NUP210L: variants seen among roughly 807,000 people sequenced by gnomAD.
The protein encoded by NUP210L is nuclear pore membrane glycoprotein 210-like.
In NUP210L, 74 loss-of-function variants were observed where a neutral mutation model predicts 208.5. The ratio of observed to expected loss-of-function variants is 0.35; its 90% CI spans 0.29 to 0.43. The LOEUF (loss-of-function observed/expected upper bound fraction) is 0.43. Ranked by LOEUF, NUP210L falls within the 20% of genes least tolerant of loss-of-function variation. The pLI is 1.00. For missense variants in NUP210L, 1,843 were observed against 2,289.4 expected, an observed-to-expected ratio of 0.81 and a Z score of 3.98; for synonymous variants, 780 against 816.9, an observed-to-expected ratio of 0.95 and a Z score of 0.77.
intron 33 of NUP210L, among the ~76,000 whole-genome samples, chr1:154,014,582 T>C (rs1398258714): frequency 6.6e-6 from 1 of 152,250 alleles, no homozygotes; most frequent in African/African-American, 2.4e-5. Context: ...AAGCACAACA[T>C]GTACTTTTAT....
intron 27 of NUP210L, among the ~76,000 whole-genome samples, chr1:154,035,992 C>T (rs1420165157): frequency 3.9e-5 from 6 of 151,928 alleles, no homozygotes; most frequent in Non-Finnish European, 8.8e-5. Flanking sequence ...CTCGGCCTCC[C>T]AAAGTGCTGG....
At chr1:154,081,250 T>C (rs1051508704) in intron 16 of NUP210L, among the ~76,000 whole-genome samples, 1 of 151,236 alleles carries the variant, frequency 6.6e-6, no homozygotes, top group Non-Finnish European at 1.5e-5. Context: ...AAAAGATGTA[T>C]CATGCAAACA....
Position 154,095,161 on chromosome 1 carries a change from T to A in NUP210L, c.1966-5A>T, listed in dbSNP as rs776584042. On this transcript the variant is annotated splice_polypyrimidine_tract_variant and splice_region_variant and intron_variant, in intron 14 of 39. Coordinates refer to ENST00000368559, the Ensembl canonical transcript of NUP210L. ...CACTTCCACAGGATTTAAAGCCTGA[T>A]GATATTTAAAGAAATTAATTCCTGA... The A allele has an allele frequency of 6.2e-7, 1 of 1,604,712 alleles. No individual in the cohort carries two copies. The highest frequency in any genetic ancestry group is 8.5e-7 in the Non-Finnish European group (1 of 1,171,690).
At chr1:154,140,487 C>A (rs373930029) in intron 4 of NUP210L, among the ~76,000 whole-genome samples, 4 of 149,712 alleles carry the variant, frequency 2.7e-5, no homozygotes, top group African/African-American at 9.9e-5. Context: ...GCCAATATGG[C>A]GAAACCCCAT....
chr1:154,019,204 T>C (rs911846058), intron 32 of NUP210L, 135 bp from the exon 33 acceptor site: 1 of 799,216 alleles, frequency 1.3e-6, no homozygotes, highest in Admixed American at 2.9e-5. Context: ...GCTTTGAAGA[T>C]AACTGTTTTC....
intron 16 of NUP210L, among the ~76,000 whole-genome samples, chr1:154,081,938 C>A (rs1385357482): frequency 1.3e-5 from 2 of 152,048 alleles, no homozygotes; most frequent in Non-Finnish European, 2.9e-5. Context: ...GCCATAATCA[C>A]GCCATTGCAC....
chr1:154,031,811 A>G (rs369473453), intron 27 of NUP210L, among the ~76,000 whole-genome samples: 1 of 150,158 alleles, frequency 6.7e-6, no homozygotes, highest in East Asian at 2.0e-4. Flanking sequence ...CACCTCAGTC[A>G]CCAGGGCTCA....
intron 17 of NUP210L, among the ~76,000 whole-genome samples, chr1:154,068,929 A>C (rs1477240522): frequency 1.3e-5 from 2 of 152,154 alleles, no homozygotes; most frequent in African/African-American, 4.8e-5. Flanking sequence ...TACATATGTA[A>C]CTAACCTGCA....
Position 154,117,794 on chromosome 1 carries a change from A to AC in NUP210L, c.1550dup (p.Gln518SerfsTer6). ...AAACAGTACTATTCCCCCTGACCTG[A>AC]CCTGCAGTCACCACTCCTTTCGTGG... On this transcript the variant is annotated frameshift_variant, in exon 12 of 40. Transcript: ENST00000368559. LOFTEE classifies it high-confidence loss of function. The AC allele has an allele frequency of 6.2e-7, 1 of 1,612,980 alleles. No homozygotes were observed. The highest frequency in any genetic ancestry group is 8.5e-7 in the Non-Finnish European group (1 of 1,179,098).
At chr1:154,127,695 T>C (rs537957262) in intron 8 of NUP210L, among the ~76,000 whole-genome samples, 15 of 151,714 alleles carry the variant, frequency 9.9e-5, no homozygotes, top group African/African-American at 3.1e-4. Flanking sequence ...GGATTATCGG[T>C]GTGCGTTACC....
chr1:154,153,033 G>A (rs1329915156), intron 1 of NUP210L, among the ~76,000 whole-genome samples, 161 bp from the exon 2 acceptor site: 1 of 152,188 alleles, frequency 6.6e-6, no homozygotes, highest in African/African-American at 2.4e-5. Flanking sequence ...TAATTAAACT[G>A]AGAGATTGAT....
At chr1:154,006,533 G>A (rs927663348) in intron 35 of NUP210L, among the ~76,000 whole-genome samples, 10 of 151,174 alleles carry the variant, frequency 6.6e-5, no homozygotes, top group East Asian at 1.9e-4. Context: ...CACTCTTACC[G>A]CCCAGGCTGG....
At chr1:154,140,014 C>T in intron 4 of NUP210L, 62 bp from the exon 5 acceptor site, 1 of 1,300,798 alleles carries the variant, frequency 7.7e-7, no homozygotes, top group Non-Finnish European at 1.1e-6. Flanking sequence ...TCCAAAAGTC[C>T]CTAAGAGACT....
At chr1:154,136,444 TC>T (rs1658551593) in intron 6 of NUP210L, among the ~76,000 whole-genome samples, 1 of 151,284 alleles carries the variant, frequency 6.6e-6, no homozygotes, top group South Asian at 2.1e-4. Flanking sequence ...AAAGCATAAC[TC>T]CGTCTCAAAA....
At chr1:154,132,202 A>G (rs1398881021) in intron 7 of NUP210L, among the ~76,000 whole-genome samples, 1 of 152,160 alleles carries the variant, frequency 6.6e-6, no homozygotes, top group African/African-American at 2.4e-5. Flanking sequence ...GCATTACACA[A>G]TTTTGTCTTT....
chr1:154,111,980 T>C (rs1194243066), intron 12 of NUP210L, among the ~76,000 whole-genome samples: 1 of 151,448 alleles, frequency 6.6e-6, no homozygotes, highest in Non-Finnish European at 1.5e-5. Context: ...CAGGCTGGAG[T>C]GCAATGGCGC....
rs534565707 is a variant in NUP210L at position 154,083,078 on chromosome 1, T to C, written c.2361+6343A>G. ...GAGTAAGAAGCAGCAAGATTTACTG[T>C]GAAGACCAAATGAACAAATATTCCG... On this transcript the variant is annotated intron_variant, in intron 16 of 39. Transcript: ENST00000368559. Among the ~76,000 whole-genome samples the C allele has an allele frequency of 5.3e-5, 8 of 152,272 alleles. No homozygotes were observed. The East Asian group carries it at 1.5e-3, about 29-fold the overall frequency.
intron 13 of NUP210L, 132 bp from the exon 14 acceptor site, chr1:154,100,275 C>T (rs1336342539): frequency 1.4e-6 from 1 of 722,174 alleles, no homozygotes; most frequent in African/African-American, 1.8e-5. Context: ...CATGGTGAAA[C>T]CCCGTGTCTA....
In NUP210L at chr1:154,030,097, C is replaced by A. The variant is rs554495858; in HGVS notation, c.3697-43G>T. ...AGATTAAGAAATATTCATCAATAAA[C>A]ATGGTGTCCTTCCTTTTTTTTTCAC... is the stretch of plus-strand genomic sequence containing the variant. On this transcript the variant is annotated intron_variant, in intron 27 of 39. Coordinates refer to ENST00000368559, the Ensembl canonical transcript of NUP210L. 1.5e-5 allele frequency: 20 copies of A among 1,344,506 alleles called. No individual in the cohort carries two copies. In the South Asian group the frequency reaches 3.3e-4, roughly 22 times the overall value. The allele number at this position is 1,344,506 out of a possible 1,614,324, so 83.3% of individuals were successfully genotyped here.
Sources: allele counts gnomAD v4.1 joint callset (sites outside exome capture counted in the v4.1 genomes callset), GRCh38; gene constraint gnomAD v4.1.1; transcripts MANE v1.5; gene names NCBI Gene and HGNC (gene_info 2026-07-23, HGNC 2026-07-21).